Variants in ERAP1 observed in about 807,000 individuals in gnomAD.
The protein encoded by ERAP1 is adipocyte-derived leucine aminopeptidase.
Under a neutral mutation model 103.7 loss-of-function variants are expected in ERAP1, and 86 were observed. The ratio of observed to expected loss-of-function variants is 0.83; its 90% CI spans 0.70 to 0.99. The LOEUF (loss-of-function observed/expected upper bound fraction) is 0.99, where lower values mean the gene tolerates loss of function less well. ERAP1 is among the 50% of genes least tolerant of loss of function. The pLI, the probability that ERAP1 is intolerant of heterozygous loss-of-function variation, is 0.00. For synonymous variants in ERAP1, 398 were observed against 402.4 expected, an observed-to-expected ratio of 0.99 and a Z score of 0.13; for missense variants, 1,009 against 1,128.4, an observed-to-expected ratio of 0.89 and a Z score of 1.52.
chr5:96,829,399 G>A, the ERAP1 span, among the ~76,000 whole-genome samples: 2 of 152,052 alleles, frequency 1.3e-5, no homozygotes, highest in East Asian at 3.8e-4. Flanking sequence ...CCCTTAGTAG[G>A]GAAGGAATTG....
At chr5:96,912,561 A>G in the ERAP1 span, 1 of 1,061,974 alleles carries the variant, frequency 9.4e-7, no homozygotes, top group Non-Finnish European at 1.4e-6. Context: ...ATTGTGTTAT[A>G]GGACTTAAAA....
At chr5:96,763,963 C>CAAAA (rs35420188) in intron 19 of ERAP1, among the ~76,000 whole-genome samples, 2 of 145,998 alleles carry the variant, frequency 1.4e-5, no homozygotes, top group African/African-American at 2.5e-5. Flanking sequence ...CTTTTTACCT[C>CAAAA]AAAAAAAAAA....
chr5:96,834,394 C>T, the ERAP1 span, among the ~76,000 whole-genome samples: 21 of 152,276 alleles, frequency 1.4e-4, no homozygotes, highest in Admixed American at 2.6e-4. Context: ...ATAATAACCC[C>T]GACCATAAAG....
At chr5:96,926,092 A>C in the ERAP1 span, among the ~76,000 whole-genome samples, 2 of 151,940 alleles carry the variant, frequency 1.3e-5, no homozygotes, top group Non-Finnish European at 2.9e-5. Context: ...TTGTATTTTT[A>C]GTAGAGATGG....
At chr5:96,886,558 T>C in the ERAP1 span, 1 of 1,083,108 alleles carries the variant, frequency 9.2e-7, no homozygotes, top group Non-Finnish European at 1.2e-6. Context: ...TCCTTCAGAG[T>C]ATGAGGCTTG....
the ERAP1 span, among the ~76,000 whole-genome samples, chr5:96,867,227 G>A: frequency 2.0e-5 from 3 of 151,710 alleles, no homozygotes; most frequent in Non-Finnish European, 2.9e-5. Flanking sequence ...GGGTAGTCTC[G>A]AACTCCTGAG....
rs1776364775 is a variant in ERAP1 at position 96,788,556 on chromosome 5, C to CCTTCATGTAGTGCTCTTG, written c.1636_1653dup (p.Gln546_Lys551dup). The CCTTCATGTAGTGCTCTTG allele has an allele frequency of 6.2e-7, 1 of 1,614,044 alleles. No homozygotes were observed. The highest frequency in any genetic ancestry group is 8.5e-7 in the Non-Finnish European group (1 of 1,180,028). On this transcript the variant is annotated inframe_insertion, in exon 11 of 19. Transcript: ENST00000443439. ...CCAGTGTCCGGGGCGCCGTCAGAGC[C>CCTTCATGTAGTGCTCTTG]CTTCATGTAGTGCTCTTGCTTCATG...
At chr5:96,824,436 C>A in the ERAP1 span, among the ~76,000 whole-genome samples, 1 of 152,108 alleles carries the variant, frequency 6.6e-6, no homozygotes, top group Non-Finnish European at 1.5e-5. Context: ...TGCTTAGGAC[C>A]CCTCAATGAC....
the ERAP1 span, chr5:96,884,069 T>G: frequency 1.6e-6 from 1 of 642,868 alleles, no homozygotes. Context: ...TATCTATCTA[T>G]CTATCTATCT....
At chr5:96,916,484 C>T in the ERAP1 span, among the ~76,000 whole-genome samples, 5 of 94,650 alleles carry the variant, frequency 5.3e-5, no homozygotes, top group East Asian at 3.0e-4. Flanking sequence ...TTTTTTGAGG[C>T]GGAGTCTTGC....
upstream of ERAP1, chr5:96,808,212 G>GTGTGTGTGTGTGTGTGTGTGTGTTGAGA (rs1778899973): frequency 7.5e-6 from 2 of 266,510 alleles, no homozygotes; most frequent in African/African-American, 5.5e-5. Flanking sequence ...GTGTGTGTGT[G>GTGTGTGTGTGTGTGTGTGTGTGTTGAGA]TGTGTGTGTG....
chr5:96,819,665 T>G, the ERAP1 span, among the ~76,000 whole-genome samples: 1 of 152,202 alleles, frequency 6.6e-6, no homozygotes, highest in Non-Finnish European at 1.5e-5. Context: ...TTTTACGTAC[T>G]AAGGACCAGA....
At chr5:96,793,709 G>A in intron 6 of ERAP1, 94 bp downstream of exon 6, 5 of 1,287,994 alleles carry the variant, frequency 3.9e-6, no homozygotes, top group Non-Finnish European at 5.3e-6. Context: ...ATTAAAAAAA[G>A]ACAAAGTAAA....
the ERAP1 span, chr5:96,889,585 G>A: frequency 1.5e-6 from 1 of 671,926 alleles, no homozygotes; most frequent in East Asian, 2.5e-5. Flanking sequence ...GGCACACACT[G>A]GAGGCTGGGA....
chr5:96,889,710 G>A, the ERAP1 span, among the ~76,000 whole-genome samples: 1 of 152,056 alleles, frequency 6.6e-6, no homozygotes, highest in Non-Finnish European at 1.5e-5. Flanking sequence ...CCCTGTGGCG[G>A]ACATCAACGC....
At chr5:96,893,420 C>A in the ERAP1 span, among the ~76,000 whole-genome samples, 19 of 152,266 alleles carry the variant, frequency 1.2e-4, no homozygotes, top group African/African-American at 4.6e-4. Flanking sequence ...ACACAGAGAG[C>A]CATGCTCAAC....
the ERAP1 span, among the ~76,000 whole-genome samples, chr5:96,921,042 G>T: frequency 6.6e-6 from 1 of 151,950 alleles, no homozygotes; most frequent in Admixed American, 6.5e-5. Flanking sequence ...TATGTTTCTG[G>T]ATCCTTTAGT....
the ERAP1 span, chr5:96,873,200 C>A: frequency 2.7e-6 from 1 of 371,786 alleles, no homozygotes; most frequent in Non-Finnish European, 5.4e-6. Flanking sequence ...AAAAAAAAAT[C>A]ATGAAAATTC....
chr5:96,770,196 G>A (rs955445519), downstream of ERAP1: 1 of 288,402 alleles, frequency 3.5e-6, no homozygotes, highest in African/African-American at 2.2e-5. Flanking sequence ...AGTGTACTAG[G>A]GTTCCCTTTT....
Sources: allele counts gnomAD v4.1 joint callset (sites outside exome capture counted in the v4.1 genomes callset), GRCh38; gene constraint gnomAD v4.1.1; transcripts MANE v1.5; gene names NCBI Gene and HGNC (gene_info 2026-07-23, HGNC 2026-07-21).